The following SNAP47 variants were observed in gnomAD, a reference collection of about 807,000 sequenced individuals.
The protein encoded by SNAP47 is synaptosomal-associated protein 47.
A neutral mutation model predicts 31.4 loss-of-function variants in SNAP47; 20 were observed. The observed-to-expected ratio is 0.64, with a 90% CI of 0.45 to 0.93. SNAP47 has a LOEUF of 0.93. Ranked by LOEUF, SNAP47 falls within the 40% of genes least tolerant of loss-of-function variation. The pLI, the probability that SNAP47 is intolerant of heterozygous loss-of-function variation, is 0.00. For missense variants in SNAP47, 492 were observed against 528.5 expected, an observed-to-expected ratio of 0.93 and a Z score of 0.68; for synonymous variants, 194 against 213.4, an observed-to-expected ratio of 0.91 and a Z score of 0.79.
At chr1:227,757,051 AGT>A (rs1662744083) in intron 2 of SNAP47, among the ~76,000 whole-genome samples, 1 of 149,918 alleles carries the variant, frequency 6.7e-6, no homozygotes, top group African/African-American at 2.4e-5. Context: ...CAATTCCCTT[AGT>A]CTCTCTAGGA....
upstream of SNAP47, chr1:227,734,992 G>T (rs772667870): frequency 5.9e-6 from 9 of 1,513,576 alleles, no homozygotes; most frequent in South Asian, 1.1e-4. Context: ...CCCGCCCGGG[G>T]TCTGCGGCCG....
upstream of SNAP47, chr1:227,734,095 C>G: frequency 1.3e-6 from 2 of 1,567,806 alleles, no homozygotes; most frequent in South Asian, 1.2e-5. Context: ...TAGGGCAGCA[C>G]GAGTGGGGCA....
intron 2 of SNAP47, among the ~76,000 whole-genome samples, chr1:227,752,000 C>T (rs1036205048): frequency 3.9e-5 from 6 of 151,930 alleles, no homozygotes; most frequent in Non-Finnish European, 5.9e-5. Context: ...CTCCTGACCT[C>T]GTGATCCACC....
upstream of SNAP47, chr1:227,732,814 G>A: frequency 6.2e-7 from 1 of 1,601,204 alleles, no homozygotes; most frequent in Non-Finnish European, 8.5e-7. Context: ...CGGTGACCAA[G>A]GGAGTCTGAG....
At chr1:227,735,128 A>T (rs1660996178), upstream of SNAP47, 1 of 1,579,598 alleles carries the variant, frequency 6.3e-7, no homozygotes. Flanking sequence ...GTTGGGCAGC[A>T]AGAAGCCCCG....
chr1:227,734,528 T>C (rs1304307020), upstream of SNAP47: 1 of 848,490 alleles, frequency 1.2e-6, no homozygotes, highest in African/African-American at 1.7e-5. Flanking sequence ...TTAAACTGAT[T>C]AAAGTGCCTC....
At chr1:227,735,234 G>C, upstream of SNAP47, 1 of 1,598,690 alleles carries the variant, frequency 6.3e-7, no homozygotes, top group Non-Finnish European at 8.5e-7. Flanking sequence ...CCCAGGCCTC[G>C]GAAGTGGCTG....
rs1057046531 is a variant in SNAP47, at chr1:227,773,857, G to A, written c.1114-6670G>A. Among the ~76,000 whole-genome samples, 7 of 152,326 alleles carry A rather than the reference G, an allele frequency of 4.6e-5. No individual in the cohort carries two copies. The South Asian group carries it at 6.2e-4, about 14-fold the overall frequency. On this transcript the variant is annotated intron_variant, in intron 4 of 4. Transcript: ENST00000617596. ...TAGCGTTGTCCCACGATGAGACCCC[G>A]AGCCATGGTTCCTCAGGATGCATCC...
chr1:227,735,126 G>T, upstream of SNAP47: 1 of 1,578,924 alleles, frequency 6.3e-7, no homozygotes, highest in African/African-American at 1.4e-5. Context: ...AGGTTGGGCA[G>T]CAAGAAGCCC....
chr1:227,757,913 C>G (rs1367001738), intron 2 of SNAP47, among the ~76,000 whole-genome samples: 2 of 152,142 alleles, frequency 1.3e-5, no homozygotes, highest in Admixed American at 6.5e-5. Context: ...CAAATAAGCC[C>G]CTCCTTCTCT....
At chr1:227,775,760 T>C in intron 4 of SNAP47, 3 of 1,300,960 alleles carry the variant, frequency 2.3e-6, no homozygotes, top group Non-Finnish European at 3.0e-6. Context: ...ATGGTGAGAA[T>C]GCTAAATTCT....
chr1:227,752,338 C>T (rs1352271897), intron 2 of SNAP47, among the ~76,000 whole-genome samples: 1 of 152,084 alleles, frequency 6.6e-6, no homozygotes, highest in Admixed American at 6.5e-5. Context: ...CTGCAGCTAC[C>T]ATGTCATTAC....
upstream of SNAP47, chr1:227,734,632 G>A (rs753257004): frequency 8.7e-6 from 14 of 1,611,848 alleles, no homozygotes; most frequent in East Asian, 4.5e-5. Flanking sequence ...GCGCCTCGGT[G>A]CGTCCCAAGC....
At chr1:227,732,747 G>A (rs868091093), upstream of SNAP47, 24 of 1,592,978 alleles carry the variant, frequency 1.5e-5, no homozygotes, top group Non-Finnish European at 1.9e-5. Flanking sequence ...CCCGACATGC[G>A]CCCAGTCCCC....
upstream of SNAP47, chr1:227,732,215 G>A: frequency 1.4e-6 from 1 of 692,690 alleles, no homozygotes; most frequent in East Asian, 2.7e-5. Flanking sequence ...TTGGGTCCCT[G>A]ACCTCATTGG....
At chr1:227,768,894 C>T (rs961476066) in intron 4 of SNAP47, among the ~76,000 whole-genome samples, 11 of 152,232 alleles carry the variant, frequency 7.2e-5, no homozygotes, top group Admixed American at 3.3e-4. Context: ...GTGTCCACGG[C>T]CGAGATACTC....
chr1:227,759,287 T>TAGG lies in SNAP47; in HGVS notation c.791_792insGGA (p.Tyr264delinsTer). On this transcript the variant is annotated stop_gained, in exon 3 of 5. Transcript: ENST00000617596. LOFTEE classifies it high-confidence loss of function. ...GGACGACATCAAGGTCCACTCACCT[T>TAGG]ACGAAATTAGCATCCGCCAGCGGTT... 6.2e-7 allele frequency: 1 copy of TAGG among 1,614,220 alleles called. No homozygotes were observed.
chr1:227,738,939 C>T (rs577047106), intron 1 of SNAP47, among the ~76,000 whole-genome samples: 18 of 152,266 alleles, frequency 1.2e-4, no homozygotes, highest in East Asian at 5.8e-4. Flanking sequence ...ATGGAGCTCT[C>T]GTTCTTGAGA....
rs1039792576 is a variant in SNAP47, at chr1:227,775,795, C to T, written c.1114-4732C>T. 49 of 1,303,966 alleles carry T rather than the reference C, an allele frequency of 3.8e-5. No homozygotes were observed. In the Admixed American group the frequency reaches 6.9e-4, roughly 18 times the overall value. The allele number at this position is 1,303,966 out of a possible 1,614,324, so 80.8% of individuals were successfully genotyped here. Reference sequence around the variant, plus strand: ...TCTTGTTTTTGCTCTGCAGGGCTTCCGGCCTATGTCGCTGTCAACCCAGAC... The same window carrying T: ...TCTTGTTTTTGCTCTGCAGGGCTTCTGGCCTATGTCGCTGTCAACCCAGAC... On this transcript the variant is annotated intron_variant, in intron 4 of 4. Transcript: ENST00000617596.
Sources: allele counts gnomAD v4.1 joint callset (sites outside exome capture counted in the v4.1 genomes callset), GRCh38; gene constraint gnomAD v4.1.1; transcripts MANE v1.5; gene names NCBI Gene and HGNC (gene_info 2026-07-23, HGNC 2026-07-21).